Variants in ZC3H12B observed in about 807,000 individuals in gnomAD.
ZC3H12B encodes zinc finger CCCH-type containing 12B, also known as probable ribonuclease ZC3H12B.
A neutral mutation model predicts 43.9 loss-of-function variants in ZC3H12B; 7 were observed. The observed-to-expected ratio is 0.16, with a 90% confidence interval of 0.09 to 0.30. The LOEUF is 0.30. Ranked by LOEUF, ZC3H12B falls within the 10% of genes least tolerant of loss-of-function variation. The pLI, the probability that ZC3H12B is intolerant of heterozygous loss-of-function variation, is 1.00. For synonymous variants in ZC3H12B, 222 were observed against 241.7 expected, an observed-to-expected ratio of 0.92 and a Z score of 0.76; for missense variants, 475 against 670.2, an observed-to-expected ratio of 0.71 and a Z score of 3.22.
chrX:65,235,664 C>T, the ZC3H12B span, among the ~76,000 whole-genome samples: 2 of 111,311 alleles, frequency 1.8e-5, no homozygotes, highest in African/African-American at 3.3e-5. Context: ...CCAACTTGGG[C>T]GCCTGTATCT....
At chrX:65,466,915 AATATATATATATATATATATATATATAT>A (rs58150008) in intron 3 of ZC3H12B, among the ~76,000 whole-genome samples, 341 of 23,941 alleles carry the variant, frequency 0.014, 15 homozygotes, top group South Asian at 0.067. Context: ...TATAAAACCA[AATATATATATATATATATATATATATAT>A]ATATATATAT....
the ZC3H12B span, among the ~76,000 whole-genome samples, chrX:65,259,493 T>G: frequency 6.3e-5 from 7 of 111,949 alleles, no homozygotes; most frequent in Admixed American, 9.5e-5. Flanking sequence ...ACTCTGGATA[T>G]AGGACCTACC....
intron 3 of ZC3H12B, among the ~76,000 whole-genome samples, chrX:65,472,958 G>GTACATATATATA (rs1484953022): frequency 1.7e-4 from 13 of 75,230 alleles, no homozygotes; most frequent in African/African-American, 9.9e-4. Context: ...ATATATGTTT[G>GTACATATATATA]TGTATGTGTA....
chrX:65,490,877 G>A (rs1439569141), intron 1 of ZC3H12B, among the ~76,000 whole-genome samples: 1 of 110,910 alleles, frequency 9.0e-6, no homozygotes, highest in African/African-American at 3.3e-5. Context: ...TTGAAAGCAG[G>A]GATCTTGCTT....
chrX:65,285,555 G>A, the ZC3H12B span, among the ~76,000 whole-genome samples: 3 of 111,492 alleles, frequency 2.7e-5, no homozygotes. Flanking sequence ...AGAAGATAAT[G>A]GGATGATATA....
chrX:65,040,793 G>A, the ZC3H12B span, among the ~76,000 whole-genome samples: 1 of 111,196 alleles, frequency 9.0e-6, no homozygotes, highest in African/African-American at 3.3e-5. Context: ...TGTTTTGGGA[G>A]GGGGGAGTTG....
chrX:65,298,308 G>T, the ZC3H12B span, among the ~76,000 whole-genome samples: 1 of 111,109 alleles, frequency 9.0e-6, no homozygotes, highest in Non-Finnish European at 1.9e-5. Context: ...CAAGAAAAAA[G>T]AATCCCATCA....
chrX:65,340,252 GGCATCCTGATTACTTGAGCCATGCT>G, the ZC3H12B span, among the ~76,000 whole-genome samples: 1 of 111,986 alleles, frequency 8.9e-6, no homozygotes, highest in African/African-American at 3.3e-5. Flanking sequence ...TGCCAGTGGG[GGCATCCTGATTACTTGAGCCATGCT>G]GCCTCCACTA....
chrX:65,043,161 C>T, the ZC3H12B span, among the ~76,000 whole-genome samples: 7 of 110,887 alleles, frequency 6.3e-5, no homozygotes, highest in African/African-American at 2.3e-4. Context: ...TTATTAGGCC[C>T]CAACCCTAAG....
the ZC3H12B span, among the ~76,000 whole-genome samples, chrX:65,106,007 A>AT: frequency 8.9e-6 from 1 of 111,957 alleles, no homozygotes; most frequent in South Asian, 3.7e-4. Context: ...ATTCTGTTTT[A>AT]TTTTTTAAAA....
At chrX:65,122,644 C>T in the ZC3H12B span, among the ~76,000 whole-genome samples, 2 of 111,081 alleles carry the variant, frequency 1.8e-5, no homozygotes, top group Admixed American at 1.9e-4. Context: ...AAACCCATCT[C>T]ACGTGCAGAG....
the ZC3H12B span, among the ~76,000 whole-genome samples, chrX:65,121,876 C>T: frequency 3.6e-5 from 4 of 111,615 alleles, no homozygotes; most frequent in Non-Finnish European, 5.7e-5. Context: ...CGAAGAACAT[C>T]TTTATTTCTG....
the ZC3H12B span, among the ~76,000 whole-genome samples, chrX:65,193,673 G>T: frequency 9.0e-6 from 1 of 110,802 alleles, no homozygotes; most frequent in African/African-American, 3.3e-5. Context: ...ACTAATTTGT[G>T]GTTTCAATTG....
chrX:65,149,205 A>G, the ZC3H12B span, among the ~76,000 whole-genome samples: 2 of 111,228 alleles, frequency 1.8e-5, no homozygotes, highest in Non-Finnish European at 3.8e-5. Flanking sequence ...TGAGACATCT[A>G]CCTGTGCTTT....
At chrX:65,230,434 A>C in the ZC3H12B span, among the ~76,000 whole-genome samples, 2 of 109,465 alleles carry the variant, frequency 1.8e-5, no homozygotes, top group African/African-American at 6.7e-5. Context: ...ACCTAATGCT[A>C]AATGACGAGT....
At chrX:65,155,691 A>G in the ZC3H12B span, among the ~76,000 whole-genome samples, 5 of 110,572 alleles carry the variant, frequency 4.5e-5, no homozygotes, top group African/African-American at 1.6e-4. Context: ...TCGTCTGTAC[A>G]GAAAATAAAA....
the ZC3H12B span, among the ~76,000 whole-genome samples, chrX:65,180,047 A>G: frequency 8.9e-5 from 10 of 111,868 alleles, no homozygotes; most frequent in African/African-American, 3.2e-4. Flanking sequence ...CAGAGACACA[A>G]CAAAAAATGA....
At chrX:65,404,999 C>A (rs2066805890) in intron 3 of ZC3H12B, among the ~76,000 whole-genome samples, 1 of 112,440 alleles carries the variant, frequency 8.9e-6, no homozygotes, top group Non-Finnish European at 1.9e-5. Context: ...TAACATCAAG[C>A]ATCTTCTCTG....
chrX:65,481,539 A>G (rs777254885), intron 3 of ZC3H12B, among the ~76,000 whole-genome samples: 327 of 111,463 alleles, frequency 2.9e-3, no homozygotes, highest in Non-Finnish European at 4.9e-3. Context: ...ACCTCTTACC[A>G]TTCCTGCAGG....
Sources: allele counts gnomAD v4.1 joint callset (sites outside exome capture counted in the v4.1 genomes callset), GRCh38; gene constraint gnomAD v4.1.1; transcripts MANE v1.5; gene names NCBI Gene and HGNC (gene_info 2026-07-23, HGNC 2026-07-21).